NXPE3: variants seen among roughly 807,000 people sequenced by gnomAD.
NXPE3 encodes neurexophilin and PC-esterase domain family member 3.
NXPE3 carries 26 observed loss-of-function variants against 46.1 expected under a neutral mutation model. That is an observed-to-expected ratio of 0.56 (90% confidence interval 0.41 to 0.78). The LOEUF (loss-of-function observed/expected upper bound fraction) is 0.78. Among genes scored for constraint, NXPE3 ranks in the 30% least tolerant of loss-of-function variants. The pLI is 0.00. For synonymous variants in NXPE3, 272 were observed against 257.9 expected (o/e 1.05, Z -0.52); for missense variants, 620 against 686.0 (o/e 0.90, Z 1.07).
rs1247423187 is a variant in NXPE3 at position 101,818,716 on chromosome 3, TATATA to T, written c.1129+1716_1129+1720del. ...TAACCCTTAAGAATATATGACAATT[TATATA>T]TATATATATATATATATATATATAT... On this transcript the variant is annotated intron_variant, in intron 7 of 7. Transcript: ENST00000273347. Among the ~76,000 whole-genome samples the T allele has an allele frequency of 4.6e-3, 171 of 37,522 alleles. 2 individuals carry two copies. The highest frequency in any genetic ancestry group is 0.024 in the East Asian group (26 of 1,092). The allele number at this position is 37,522 out of a possible 152,430, so 24.6% of individuals were successfully genotyped here.
At chr3:101,803,312 T>C (rs781662950) in intron 5 of NXPE3, among the ~76,000 whole-genome samples, 10 of 152,174 alleles carry the variant, frequency 6.6e-5, no homozygotes, top group Non-Finnish European at 1.3e-4. Flanking sequence ...CTTTTGGTCA[T>C]ACCAGATTAT....
chr3:101,813,684 G>A (rs1941827768), intron 6 of NXPE3, among the ~76,000 whole-genome samples: 1 of 152,128 alleles, frequency 6.6e-6, no homozygotes, highest in African/African-American at 2.4e-5. Context: ...CAATTTTCAA[G>A]ATAACCATAA....
intron 4 of NXPE3, among the ~76,000 whole-genome samples, chr3:101,789,363 G>A (rs1001627288): frequency 6.6e-6 from 1 of 152,096 alleles, no homozygotes; most frequent in Non-Finnish European, 1.5e-5. Context: ...GGGCAACATA[G>A]TGAGACCCCA....
chr3:101,820,625 C>T (rs1174916652), intron 7 of NXPE3, among the ~76,000 whole-genome samples: 4 of 152,162 alleles, frequency 2.6e-5, no homozygotes, highest in Non-Finnish European at 5.9e-5. Context: ...TGGAATCAAC[C>T]TAAATGCCCA....
At chr3:101,812,203 A>G (rs763679845) in intron 6 of NXPE3, among the ~76,000 whole-genome samples, 1 of 152,222 alleles carries the variant, frequency 6.6e-6, no homozygotes, top group Non-Finnish European at 1.5e-5. Flanking sequence ...GGACAAAGCT[A>G]TTTTATTTTT....
rs541082446 is a variant in NXPE3, at chr3:101,821,957, T to C, written c.*3T>C. The C allele has an allele frequency of 6.2e-7, 1 of 1,611,642 alleles. No individual in the cohort carries two copies. Among genetic ancestry groups the C allele is most frequent in the South Asian group, 1.1e-5 (1 of 90,926 alleles). On this transcript the variant is annotated 3_prime_UTR_variant, in exon 8 of 8. Coordinates refer to ENST00000273347, the MANE Select transcript of NXPE3 (RefSeq NM_145037.4). Reference sequence around the variant, plus strand: ...TTGTGTGCCCCTTGGAAACCTAGCCTGTCTTGGAAGGGACTGGAGGAATCA... The same window carrying C: ...TTGTGTGCCCCTTGGAAACCTAGCCCGTCTTGGAAGGGACTGGAGGAATCA...
Position 101,785,546 on chromosome 3 carries a change from G to T in NXPE3, c.-51G>T. ...AAAAGCAAAGACATGGAATTTTAAA[G>T]AGTGAAGGTAGCATGGTGTCGGCCA... is the stretch of plus-strand genomic sequence containing the variant. On this transcript the variant is annotated 5_prime_UTR_variant, in exon 4 of 8. An upstream open reading frame in the 5' UTR gains an earlier in-frame stop. Transcript: ENST00000273347. The T allele has an allele frequency of 6.7e-7, 1 of 1,491,398 alleles. No homozygotes were observed. Among genetic ancestry groups the T allele is most frequent in the South Asian group, 1.1e-5 (1 of 88,618 alleles). The allele number at this position is 1,491,398 out of a possible 1,614,324, so 92.4% of individuals were successfully genotyped here. A position where few individuals can be genotyped will look rare whatever the true frequency, so the allele number is the denominator to read the frequency against.
chr3:101,793,141 T>G (rs1325724045), intron 4 of NXPE3, among the ~76,000 whole-genome samples: 1 of 152,222 alleles, frequency 6.6e-6, no homozygotes, highest in Non-Finnish European at 1.5e-5. Context: ...CTGAAGTTGT[T>G]TATTAACTAG....
At position 101,823,309 on chromosome 3, in the gene NXPE3, C is replaced by G. The variant is rs1180953812; in HGVS notation, c.*1355C>G. The G allele has an allele frequency of 6.6e-6, 1 of 152,084 alleles. No individual in the cohort carries two copies. The highest frequency in any genetic ancestry group is 1.5e-5 in the Non-Finnish European group (1 of 68,026). 9.4% of individuals were successfully genotyped at this position (152,084 alleles called of 1,614,324 possible). ...TAGGAGGGCCCCAGATCTTACTTTC[C>G]TGTCCTTGAGGAACACCTTCAAGTT... On this transcript the variant is annotated 3_prime_UTR_variant, in exon 8 of 8. Transcript: ENST00000273347.
At chr3:101,818,841 C>T (rs1483838213) in intron 7 of NXPE3, among the ~76,000 whole-genome samples, 1 of 129,796 alleles carries the variant, frequency 7.7e-6, no homozygotes, top group Non-Finnish European at 1.6e-5. Context: ...TCTCTACTCA[C>T]TAAAACCTCT....
intron 7 of NXPE3, among the ~76,000 whole-genome samples, chr3:101,821,021 A>C (rs1322311169): frequency 6.6e-6 from 1 of 152,190 alleles, no homozygotes; most frequent in East Asian, 1.9e-4. Context: ...AAGTAAAAAA[A>C]CCCAAACTTT....
intron 4 of NXPE3, among the ~76,000 whole-genome samples, chr3:101,786,669 T>C (rs1464265428): frequency 6.6e-6 from 1 of 152,240 alleles, no homozygotes; most frequent in Admixed American, 6.5e-5. Context: ...CTTGTGTGTT[T>C]TACTATATAA....
chr3:101,818,665 C>T (rs1942072436), intron 7 of NXPE3, among the ~76,000 whole-genome samples: 1 of 123,194 alleles, frequency 8.1e-6, no homozygotes. Context: ...CCTGGAAATG[C>T]AAGGAGAAAA....
intron 3 of NXPE3, among the ~76,000 whole-genome samples, chr3:101,784,995 T>G (rs1940068380): frequency 6.6e-6 from 1 of 152,220 alleles, no homozygotes; most frequent in Admixed American, 6.5e-5. Context: ...TGAAAACAGT[T>G]TCCTCTTCAT....
At chr3:101,808,818 G>T (rs1436266226) in intron 6 of NXPE3, among the ~76,000 whole-genome samples, 8 of 30,808 alleles carry the variant, frequency 2.6e-4, no homozygotes, top group Admixed American at 9.7e-4. Context: ...AATTTTAGAG[G>T]ATATATATAT....
intron 7 of NXPE3, among the ~76,000 whole-genome samples, chr3:101,819,437 C>T (rs1477706046): frequency 6.6e-6 from 1 of 152,142 alleles, no homozygotes; most frequent in Non-Finnish European, 1.5e-5. Flanking sequence ...ATTTGCGATG[C>T]TATCTGTGTT....
At chr3:101,785,753 G>A in intron 4 of NXPE3, 64 bp downstream of exon 4, 1 of 1,375,834 alleles carries the variant, frequency 7.3e-7, no homozygotes, top group South Asian at 1.2e-5. Context: ...GGGCTAACTA[G>A]CCTGGGAAAA....
chr3:101,819,950 T>A (rs911007923), intron 7 of NXPE3, among the ~76,000 whole-genome samples: 1 of 152,192 alleles, frequency 6.6e-6, no homozygotes, highest in African/African-American at 2.4e-5. Flanking sequence ...TCAACTTTTT[T>A]AAGTTCCACA....
rs761812195 is a variant in NXPE3, at chr3:101,801,778, C to G, written c.637C>G (p.Leu213Val). 3 of 1,614,182 alleles carry G rather than the reference C, an allele frequency of 1.9e-6. No individual in the cohort carries two copies. The highest frequency in any genetic ancestry group is 2.5e-6 in the Non-Finnish European group (3 of 1,180,016). Reference sequence around the variant, plus strand: ...ACCAGACAGGGTCTATTTCAAGAGTCTCTTCCGTTCAGGAAGAATTTCTGA... The same window carrying G: ...ACCAGACAGGGTCTATTTCAAGAGTGTCTTCCGTTCAGGAAGAATTTCTGA... The part of the protein sequence containing the change: ...DKPDRVYFKS[L>V]FRSGRISETT... The change falls in exon 5 of 8, where the codon CTC becomes GTC. Residue 213 changes from leucine to valine, a missense_variant. By Grantham distance (32) the Leu-to-Val change is conservative. Transcript: ENST00000273347.
Sources: gnomAD v4.1 joint callset for allele counts (sites outside exome capture counted in the v4.1 genomes callset) on GRCh38, gnomAD v4.1.1 for gene constraint, MANE v1.5 for transcripts, NCBI Gene and HGNC (gene_info 2026-07-23, HGNC 2026-07-21) for gene names.